The following DLC1 variants were observed in gnomAD, a reference collection of about 807,000 sequenced individuals.
DLC1 encodes the protein DLC1 Rho GTPase activating protein, also known as rho GTPase-activating protein 7.
Under a neutral mutation model 140.3 loss-of-function variants are expected in DLC1, and 54 were observed. That is an observed-to-expected ratio of 0.38 (90% CI 0.31 to 0.48). The LOEUF (loss-of-function observed/expected upper bound fraction) is 0.48, where lower values mean the gene tolerates loss of function less well. Among genes scored for constraint, DLC1 ranks in the 20% least tolerant of loss-of-function variants. The pLI, the probability that DLC1 is intolerant of heterozygous loss-of-function variation, is 0.96. For missense variants in DLC1, 2,536 were observed against 1,907.0 expected, an observed-to-expected ratio of 1.33 and a Z score of -6.14; for synonymous variants, 986 against 728.1, an observed-to-expected ratio of 1.35 and a Z score of -5.70.
At chr8:13,258,155 T>C (rs1197949898) in intron 5 of DLC1, among the ~76,000 whole-genome samples, 2 of 152,048 alleles carry the variant, frequency 1.3e-5, no homozygotes, top group African/African-American at 2.4e-5. Flanking sequence ...AACAAAACAT[T>C]CCAGTCCCTG....
intron 15 of DLC1, 95 bp from the exon 16 acceptor site, chr8:13,088,799 T>C (rs140130084): frequency 3.0e-6 from 3 of 992,666 alleles, no homozygotes; most frequent in East Asian, 2.5e-5. Context: ...TTTAGTTACA[T>C]ATAATCAACG....
intron 5 of DLC1, among the ~76,000 whole-genome samples, chr8:13,163,270 C>T (rs7013798): frequency 0.011 from 1,646 of 152,246 alleles, 29 homozygotes; most frequent in African/African-American, 0.037. Context: ...TTTTTACCTG[C>T]ACTCAGTACT....
At chr8:13,374,726 GA>G (rs954043875) in intron 4 of DLC1, among the ~76,000 whole-genome samples, 38 of 152,322 alleles carry the variant, frequency 2.5e-4, no homozygotes, top group African/African-American at 9.1e-4. Context: ...AGCTTGCAGT[GA>G]ATCAAGGTAG....
intron 1 of DLC1, among the ~76,000 whole-genome samples, chr8:13,522,396 G>A (rs1250580381): frequency 2.0e-5 from 3 of 152,124 alleles, no homozygotes; most frequent in Middle Eastern, 3.4e-3. Flanking sequence ...AGGCTGAGGC[G>A]GGAAGTTCAC....
At chr8:13,158,875 C>T (rs1302675815) in intron 5 of DLC1, among the ~76,000 whole-genome samples, 1 of 152,076 alleles carries the variant, frequency 6.6e-6, no homozygotes, top group African/African-American at 2.4e-5. Context: ...CCAGGGTCCC[C>T]TGGTACACCC....
intron 4 of DLC1, among the ~76,000 whole-genome samples, chr8:13,347,420 G>C (rs1834398580): frequency 6.6e-6 from 1 of 152,162 alleles, no homozygotes; most frequent in Non-Finnish European, 1.5e-5. Context: ...CTGGAGGACG[G>C]GAGCAGCAGG....
At chr8:13,187,944 C>G (rs1288420092) in intron 5 of DLC1, among the ~76,000 whole-genome samples, 1 of 151,828 alleles carries the variant, frequency 6.6e-6, no homozygotes, top group Non-Finnish European at 1.5e-5. Flanking sequence ...ATTTTTTTTT[C>G]TCTTGCTCTC....
intron 2 of DLC1, among the ~76,000 whole-genome samples, chr8:13,429,238 G>A (rs1191645441): frequency 6.6e-6 from 1 of 152,176 alleles, no homozygotes; most frequent in African/African-American, 2.4e-5. Context: ...TAGTGGAAGA[G>A]ACCTGGCCAT....
At chr8:13,579,317 A>T (rs915593732) in intron 1 of DLC1, among the ~76,000 whole-genome samples, 452 of 2,094 alleles carry the variant, frequency 0.22, 27 homozygotes, top group Middle Eastern at 0.5. Flanking sequence ...GTCTGACTTT[A>T]TATATATATA....
chr8:13,251,951 G>C (rs1830026691), intron 5 of DLC1, among the ~76,000 whole-genome samples: 1 of 152,076 alleles, frequency 6.6e-6, no homozygotes, highest in Non-Finnish European at 1.5e-5. Context: ...AGTTACATAA[G>C]GGAAATGGGA....
intron 5 of DLC1, among the ~76,000 whole-genome samples, chr8:13,155,984 T>C (rs533166906): frequency 1.3e-5 from 2 of 152,244 alleles, no homozygotes; most frequent in East Asian, 3.9e-4. Flanking sequence ...TTGAAAAAAA[T>C]CTGTTCTTTA....
intron 4 of DLC1, among the ~76,000 whole-genome samples, chr8:13,345,782 C>G (rs990340268): frequency 6.6e-6 from 1 of 152,018 alleles, no homozygotes; most frequent in African/African-American, 2.4e-5. Context: ...TGGTCTCAAA[C>G]TCCTGACCTG....
chr8:13,535,834 G>T (rs2117317654), intron 1 of DLC1, among the ~76,000 whole-genome samples: 1 of 152,094 alleles, frequency 6.6e-6, no homozygotes, highest in South Asian at 2.1e-4. Flanking sequence ...CTACTTAATA[G>T]ATTTTGACCA....
chr8:13,325,449 TACAC>T (rs1554497506), intron 4 of DLC1, among the ~76,000 whole-genome samples: 4,032 of 38,254 alleles, frequency 0.11, 109 homozygotes, highest in Middle Eastern at 0.25. Flanking sequence ...TAGTTCTGTA[TACAC>T]ACACACACAC....
intron 1 of DLC1, among the ~76,000 whole-genome samples, chr8:13,544,136 G>T (rs1302732242): frequency 6.6e-6 from 1 of 151,014 alleles, no homozygotes; most frequent in Non-Finnish European, 1.5e-5. Flanking sequence ...AGTAAACAAT[G>T]CACATAAAAT....
intron 2 of DLC1, among the ~76,000 whole-genome samples, chr8:13,432,731 A>G (rs900891644): frequency 1.3e-5 from 2 of 152,178 alleles, no homozygotes; most frequent in African/African-American, 4.8e-5. Context: ...GACTAGTGAC[A>G]TTTTTAAGTG....
intron 2 of DLC1, among the ~76,000 whole-genome samples, chr8:13,437,641 A>G (rs1490620187): frequency 6.6e-6 from 1 of 152,148 alleles, no homozygotes; most frequent in East Asian, 1.9e-4. Flanking sequence ...ATATTGTTGC[A>G]TTTCTGTGGA....
intron 5 of DLC1, among the ~76,000 whole-genome samples, chr8:13,293,591 C>A (rs1047780047): frequency 6.6e-6 from 1 of 152,144 alleles, no homozygotes; most frequent in East Asian, 1.9e-4. Context: ...ACATGGCATG[C>A]GGGGTGACAA....
At chr8:13,380,723 A>C (rs960375174) in intron 4 of DLC1, among the ~76,000 whole-genome samples, 1 of 152,208 alleles carries the variant, frequency 6.6e-6, no homozygotes, top group Admixed American at 6.5e-5. Context: ...CGGATGTTAA[A>C]ATTAAAATTT....
Sources: gnomAD v4.1 joint callset for allele counts (sites outside exome capture counted in the v4.1 genomes callset) on GRCh38, gnomAD v4.1.1 for gene constraint, MANE v1.5 for transcripts, NCBI Gene and HGNC (gene_info 2026-07-23, HGNC 2026-07-21) for gene names.